The following AP4S1 variants were observed in gnomAD, a reference collection of about 807,000 sequenced individuals.
The protein encoded by AP4S1 is adaptor related protein complex 4 subunit sigma 1, also known as AP-4 complex subunit sigma-1.
A neutral mutation model predicts 19.8 loss-of-function variants in AP4S1; 23 were observed. The observed-to-expected ratio is 1.16, with a 90% confidence interval of 0.84 to 1.65. AP4S1 has a LOEUF of 1.65. AP4S1 is among the 40% of genes most tolerant of loss of function. AP4S1 has a pLI of 0.00. For synonymous variants in AP4S1, 46 were observed against 54.1 expected (o/e 0.85, Z 0.66); for missense variants, 166 against 172.8 (o/e 0.96, Z 0.22).
intron 1 of AP4S1, among the ~76,000 whole-genome samples, chr14:31,057,371 C>T (rs1886177562): frequency 6.6e-6 from 1 of 152,216 alleles, no homozygotes; most frequent in African/African-American, 2.4e-5. Flanking sequence ...CAGCTATTAA[C>T]AGTTAGTCAC....
intron 5 of AP4S1, among the ~76,000 whole-genome samples, chr14:31,091,366 T>G (rs1390305981): frequency 1.3e-5 from 2 of 152,156 alleles, no homozygotes; most frequent in African/African-American, 4.8e-5. Context: ...TATATATACC[T>G]GGCTGCCATT....
At chr14:31,033,459 G>A (rs2064824) in intron 1 of AP4S1, among the ~76,000 whole-genome samples, 8 of 151,756 alleles carry the variant, frequency 5.3e-5, no homozygotes, top group Non-Finnish European at 1.2e-4. Flanking sequence ...TGATCCACCC[G>A]CCTCAGCCTC....
chr14:31,062,340 C>G (rs192617475), intron 1 of AP4S1, among the ~76,000 whole-genome samples: 4 of 152,140 alleles, frequency 2.6e-5, no homozygotes, highest in African/African-American at 7.2e-5. Flanking sequence ...CTCAGGCAGT[C>G]CGCCCTCCTC....
intron 1 of AP4S1, among the ~76,000 whole-genome samples, chr14:31,049,413 CAA>C (rs1206930739): frequency 4.1e-4 from 18 of 43,534 alleles, no homozygotes; most frequent in African/African-American, 1.6e-3. Flanking sequence ...GACTCGGTCT[CAA>C]AAAAAAAAAA....
chr14:31,039,647 A>G (rs1229260335), intron 1 of AP4S1, among the ~76,000 whole-genome samples: 3 of 144,450 alleles, frequency 2.1e-5, no homozygotes, highest in African/African-American at 8.0e-5. Flanking sequence ...ATCTCGACTC[A>G]CTGCAAGCTC....
intron 1 of AP4S1, among the ~76,000 whole-genome samples, chr14:31,053,589 CTTTTTTTTTTTTT>C (rs758966011): frequency 9.8e-5 from 7 of 71,110 alleles, no homozygotes; most frequent in Admixed American, 2.3e-4. Context: ...TGACTTTTTT[CTTTTTTTTTTTTT>C]TTTTTTTTTT....
At chr14:31,067,984 T>C (rs750384264) in intron 2 of AP4S1, among the ~76,000 whole-genome samples, 1 of 152,080 alleles carries the variant, frequency 6.6e-6, no homozygotes, top group Non-Finnish European at 1.5e-5. Context: ...TTCTCCTGCC[T>C]CAGCCTCCCA....
At chr14:31,043,442 T>G (rs1258411161) in intron 1 of AP4S1, among the ~76,000 whole-genome samples, 2 of 152,098 alleles carry the variant, frequency 1.3e-5, no homozygotes, top group Admixed American at 1.3e-4. Context: ...ATGGAACAGG[T>G]ACAGGAAGAA....
intron 1 of AP4S1, among the ~76,000 whole-genome samples, chr14:31,032,610 A>C (rs1594623095): frequency 6.8e-6 from 1 of 147,038 alleles, no homozygotes; most frequent in African/African-American, 2.5e-5. Context: ...TGCAACCTCC[A>C]CCTCCTGGGT....
At chr14:31,049,431 AT>A (rs1566520582) in intron 1 of AP4S1, among the ~76,000 whole-genome samples, 244 of 44,080 alleles carry the variant, frequency 5.5e-3, no homozygotes, top group South Asian at 9.8e-3. Flanking sequence ...AAAAAAAAAT[AT>A]ATATATATAT....
chr14:31,042,686 C>A (rs1885175693), intron 1 of AP4S1, among the ~76,000 whole-genome samples: 1 of 152,166 alleles, frequency 6.6e-6, no homozygotes, highest in African/African-American at 2.4e-5. Flanking sequence ...TTCTTTAGTT[C>A]AACTCCCTAA....
At chr14:31,045,277 C>T (rs1344836288) in intron 1 of AP4S1, among the ~76,000 whole-genome samples, 1 of 152,148 alleles carries the variant, frequency 6.6e-6, no homozygotes, top group Non-Finnish European at 1.5e-5. Context: ...CGTTTTACCA[C>T]ATACCGTTTG....
intron 5 of AP4S1, among the ~76,000 whole-genome samples, chr14:31,081,451 C>G (rs1887632760): frequency 6.6e-6 from 1 of 152,100 alleles, no homozygotes; most frequent in Admixed American, 6.6e-5. Flanking sequence ...TACCCAAGGA[C>G]CCTCAAAACA....
intron 1 of AP4S1, among the ~76,000 whole-genome samples, chr14:31,049,451 A>G (rs1189953773): frequency 7.9e-5 from 6 of 76,142 alleles, no homozygotes; most frequent in Admixed American, 1.6e-4. Flanking sequence ...ATATATATAT[A>G]TATATATATA....
At chr14:31,068,655 T>C (rs1360447744) in intron 2 of AP4S1, among the ~76,000 whole-genome samples, 1 of 152,256 alleles carries the variant, frequency 6.6e-6, no homozygotes, top group Non-Finnish European at 1.5e-5. Flanking sequence ...AGGTTACCCT[T>C]TGAAATGAAA....
chr14:31,073,408 T>G (rs1204400146), intron 4 of AP4S1, among the ~76,000 whole-genome samples: 6 of 134,160 alleles, frequency 4.5e-5, no homozygotes, highest in South Asian at 2.4e-4. Flanking sequence ...GAGAATGGCG[T>G]GAACCCGGGA....
chr14:31,026,978 C>T (rs1259807257), intron 1 of AP4S1: 1 of 152,324 alleles, frequency 6.6e-6, no homozygotes, highest in Admixed American at 6.5e-5. Flanking sequence ...CCAAGATCCT[C>T]CGGCTGTGGT....
At position 31,070,048 on chromosome 14, in the gene AP4S1, G is replaced by T. The variant is rs1460196878; in HGVS notation, c.225+119G>T. On this transcript the variant is annotated intron_variant, in intron 3 of 5. Coordinates refer to ENST00000542754, the MANE Select transcript of AP4S1 (RefSeq NM_001128126.3). Reference sequence around the variant, plus strand: ...TTTTGCCCTGTCACCAGTCTGGAGTGCCGTGGCATGATCTCAGCTCACTGC... The same window carrying T: ...TTTTGCCCTGTCACCAGTCTGGAGTTCCGTGGCATGATCTCAGCTCACTGC... 3 of 828,056 alleles carry T rather than the reference G, an allele frequency of 3.6e-6. No homozygotes were observed. In the African/African-American group the frequency reaches 5.0e-5, roughly 14 times the overall value. 51.3% of individuals were successfully genotyped at this position (828,056 alleles called of 1,614,324 possible). A position where few individuals can be genotyped will look rare whatever the true frequency, so the allele number is the denominator to read the frequency against.
intron 5 of AP4S1, chr14:31,085,412 G>GCACAAATATAGGCTAGAATCCAGGCCC: frequency 1.0e-6 from 1 of 987,454 alleles, no homozygotes; most frequent in Non-Finnish European, 1.2e-6. Context: ...TTCTTGTGAG[G>GCACAAATATAGGCTAGAATCCAGGCCC]CACAAATATA....
Sources: gnomAD v4.1 joint callset for allele counts (sites outside exome capture counted in the v4.1 genomes callset) on GRCh38, gnomAD v4.1.1 for gene constraint, MANE v1.5 for transcripts, NCBI Gene and HGNC (gene_info 2026-07-23, HGNC 2026-07-21) for gene names.